Variants in IGFLR1 observed in about 807,000 individuals in gnomAD.
The protein encoded by IGFLR1 is IGF like family receptor 1.
Under a neutral mutation model 23.4 loss-of-function variants are expected in IGFLR1, and 17 were observed. The observed-to-expected ratio is 0.73, with a 90% CI of 0.50 to 1.09. IGFLR1 has a LOEUF of 1.09. Ranked by LOEUF, IGFLR1 falls within the 50% of genes least tolerant of loss-of-function variation. The pLI is 0.00. For synonymous variants in IGFLR1, 265 were observed against 210.7 expected (o/e 1.26, Z -2.23); for missense variants, 556 against 459.2 (o/e 1.21, Z -1.93).
At chr19:35,741,833 C>G (rs144845973) in intron 1 of IGFLR1, among the ~76,000 whole-genome samples, 1 of 146,186 alleles carries the variant, frequency 6.8e-6, no homozygotes, top group Non-Finnish European at 1.5e-5. Context: ...AACTGGCCGC[C>G]GGGCGCAGTG....
At chr19:35,741,801 C>A (rs1034355583) in intron 1 of IGFLR1, among the ~76,000 whole-genome samples, 1 of 144,410 alleles carries the variant, frequency 6.9e-6, no homozygotes, top group African/African-American at 2.6e-5. Flanking sequence ...CACAGCAAGA[C>A]CTCATCTCTA....
At chr19:35,740,934 C>T in intron 2 of IGFLR1, 90 bp downstream of exon 2, 1 of 1,298,610 alleles carries the variant, frequency 7.7e-7, no homozygotes, top group Non-Finnish European at 1.1e-6. Flanking sequence ...AAGCAAGCCT[C>T]TCTGGCCCGT....
In IGFLR1 at chr19:35,740,097, A is replaced by G. The variant is rs750872929; in HGVS notation, c.343-9T>C. ...TTGGCAGGGACCGGCCTCTGGGGATAAGGGGTTGGAGTAAAGCTGGAGGCC... is the reference window on the plus strand; with the variant it reads ...TTGGCAGGGACCGGCCTCTGGGGATGAGGGGTTGGAGTAAAGCTGGAGGCC... On this transcript the variant is annotated splice_polypyrimidine_tract_variant and intron_variant, in intron 3 of 4. Coordinates refer to ENST00000246532, the MANE Select transcript of IGFLR1 (RefSeq NM_024660.4). The G allele has an allele frequency of 1.6e-5, 25 of 1,605,834 alleles. No individual in the cohort carries two copies. The highest frequency in any genetic ancestry group is 1.7e-6 in the Non-Finnish European group (2 of 1,177,528).
In IGFLR1 at chr19:35,740,370, C is replaced by T. The variant is rs1194334738; in HGVS notation, c.342+10G>A. 27 of 1,562,082 alleles carry T rather than the reference C, an allele frequency of 1.7e-5. No individual in the cohort carries two copies. The highest frequency in any genetic ancestry group is 2.3e-5 in the Non-Finnish European group (27 of 1,155,036). ...GCACGCCCTTGCCCTGCCGGGAGTC[C>T]CATCTGCACCTCTCTGCAGCGCCAC... On this transcript the variant is annotated intron_variant, in intron 3 of 4. Coordinates refer to ENST00000246532, the MANE Select transcript of IGFLR1 (RefSeq NM_024660.4).
At chr19:35,742,346 A>G (rs1368690431) in intron 1 of IGFLR1, 50 bp downstream of exon 1, 1 of 1,414,370 alleles carries the variant, frequency 7.1e-7, no homozygotes, top group Non-Finnish European at 9.4e-7. Flanking sequence ...TAAGCCTCAG[A>G]TGGAGGTGCT....
Position 35,739,544 on chromosome 19 carries a change from G to A in IGFLR1, c.804C>T (p.Asp268=). ...EVLEELIVLL[D]PEPGPGGGMA... ...TACCCCCACCTGGCCCAGGCTCAGG[G>A]TCCAGCAGTACAATCAGCTCTTCCA... Residue 268 remains aspartate (D), a synonymous_variant, in exon 5 of 5, where the codon GAC becomes GAT. Coordinates refer to ENST00000246532, the MANE Select transcript of IGFLR1 (RefSeq NM_024660.4). 1 of 1,614,126 alleles carries A rather than the reference G, an allele frequency of 6.2e-7. No homozygotes were observed. Among genetic ancestry groups the A allele is most frequent in the South Asian group, 1.1e-5 (1 of 91,088 alleles).
chr19:35,741,272 G>C (rs1238896697), intron 1 of IGFLR1, 49 bp from the exon 2 acceptor site: 1 of 1,541,118 alleles, frequency 6.5e-7, no homozygotes, highest in South Asian at 1.2e-5. Flanking sequence ...GGTGATGTGG[G>C]GGAACAGAAT....
At position 35,741,312 on chromosome 19, in the gene IGFLR1, AC is replaced by A. The variant is rs1041338526; in HGVS notation, c.-43-90del. On this transcript the variant is annotated intron_variant, in intron 1 of 4. Coordinates refer to ENST00000246532, the MANE Select transcript of IGFLR1 (RefSeq NM_024660.4). ...ACGCCTCTTCGGAAGCCGGGAATCT[AC>A]CCCCGAGCCCTCATCCCCCAACTGA... 38 of 1,376,780 alleles carry A rather than the reference AC, an allele frequency of 2.8e-5. 1 individual carries two copies. In the Admixed American group the frequency reaches 5.8e-4, roughly 21 times the overall value. The allele number at this position is 1,376,780 out of a possible 1,614,324, so 85.3% of individuals were successfully genotyped here. A position where few individuals can be genotyped will look rare whatever the true frequency, so the allele number is the denominator to read the frequency against.
chr19:35,740,702 A>G lies in IGFLR1; in HGVS notation c.158-138T>C, dbSNP rs189679653. On this transcript the variant is annotated intron_variant, in intron 2 of 4. Transcript: ENST00000246532. ...TATTAGCGTGCGCCCCGGTCTTGTC[A>G]CTTTTCTCCGGGCTCGCCTTTTCAC... 125 of 835,186 alleles carry G rather than the reference A, an allele frequency of 1.5e-4. No homozygotes were observed. In the East Asian group the frequency reaches 3.5e-3, roughly 23 times the overall value. 51.7% of individuals were successfully genotyped at this position (835,186 alleles called of 1,614,324 possible).
chr19:35,739,165 G>T lies in IGFLR1; in HGVS notation c.*115C>A. 1 of 1,038,726 alleles carries T rather than the reference G, an allele frequency of 9.6e-7. No individual in the cohort carries two copies. Among genetic ancestry groups the T allele is most frequent in the Non-Finnish European group, 1.4e-6 (1 of 724,880 alleles). 64.3% of individuals were successfully genotyped at this position (1,038,726 alleles called of 1,614,324 possible). On this transcript the variant is annotated 3_prime_UTR_variant, in exon 5 of 5. Transcript: ENST00000246532. ...ATGTTGGAATAGGCCCTTCTAGGGCGAAGAGCAGTGAGGCTATCTGTTGGG... is the reference window on the plus strand; with the variant it reads ...ATGTTGGAATAGGCCCTTCTAGGGCTAAGAGCAGTGAGGCTATCTGTTGGG...
intron 2 of IGFLR1, 22 bp downstream of exon 2, chr19:35,741,002 A>G: frequency 6.2e-7 from 1 of 1,609,134 alleles, no homozygotes. Context: ...CGCCCAAGCA[A>G]GGCTCGGTCT....
chr19:35,740,984 G>C (rs1970196745), intron 2 of IGFLR1, 40 bp downstream of exon 2: 2 of 1,595,848 alleles, frequency 1.3e-6, no homozygotes. Flanking sequence ...CCTATCACCT[G>C]CAAGCTCCGC....
intron 3 of IGFLR1, 107 bp downstream of exon 3, chr19:35,740,273 C>A: frequency 7.3e-7 from 1 of 1,367,448 alleles, no homozygotes; most frequent in Non-Finnish European, 9.7e-7. Context: ...AGGCCAGCCA[C>A]CTCCTGAAAC....
rs137907108 is a variant in IGFLR1, at chr19:35,740,561, T to C, written c.161A>G (p.Tyr54Cys). The change falls in exon 3 of 5, where the codon TAT becomes TGT. Residue 54 changes from tyrosine to cysteine, a missense_variant. Physicochemically the swap from Tyr to Cys is radical, Grantham distance 194 (BLOSUM62 -2). Coordinates refer to ENST00000246532, the MANE Select transcript of IGFLR1 (RefSeq NM_024660.4). ...QRFGPPPCPDYEFRENCGLND... is the reference protein window; with the variant it reads ...QRFGPPPCPDCEFRENCGLND... ...GAGTCCGCAGTTTTCCCGGAACTCA[T>C]AGTCTAGCGGGAAAGCTGCGCTCCA... 11 of 1,603,584 alleles carry C rather than the reference T, an allele frequency of 6.9e-6. No homozygotes were observed. The highest frequency in any genetic ancestry group is 6.8e-6 in the Non-Finnish European group (8 of 1,174,738).
At chr19:35,741,372 G>A in intron 1 of IGFLR1, 149 bp from the exon 2 acceptor site, 2 of 703,130 alleles carry the variant, frequency 2.8e-6, no homozygotes, top group Non-Finnish European at 4.7e-6. Context: ...AGGCCACTAG[G>A]GGACTAACAG....
intron 2 of IGFLR1, 147 bp from the exon 3 acceptor site, chr19:35,740,711 C>T: frequency 1.3e-6 from 1 of 799,322 alleles, no homozygotes; most frequent in Non-Finnish European, 1.9e-6. Flanking sequence ...CACTTTTCTC[C>T]GGGCTCGCCT....
chr19:35,740,921 C>G, intron 2 of IGFLR1, 103 bp downstream of exon 2: 1 of 1,124,792 alleles, frequency 8.9e-7, no homozygotes, highest in Non-Finnish European at 1.3e-6. Context: ...CGCTTAGACC[C>G]CTAAGCAAGC....
Position 35,739,403 on chromosome 19 carries a change from C to A in IGFLR1, c.945G>T (p.Met315Ile), listed in dbSNP as rs923732396. 6.2e-7 allele frequency: 1 copy of A among 1,613,704 alleles called. No individual in the cohort carries two copies. Among genetic ancestry groups the A allele is most frequent in the Non-Finnish European group, 8.5e-7 (1 of 1,179,910 alleles). ...AGGCAGAGGGCTCCCTTGCCACCAC[C>A]ATCTCAATCAGAGCCCGCAGCGGCG... Reference protein sequence around the residue: ...SRSPLRALIEMVVAREPSASL... With the variant: ...SRSPLRALIEIVVAREPSASL... Residue 315 changes from methionine (M) to isoleucine (I), a missense_variant, in exon 5 of 5, where the codon ATG becomes ATT. Coordinates refer to ENST00000246532, the MANE Select transcript of IGFLR1 (RefSeq NM_024660.4).
In IGFLR1 at chr19:35,741,231, T is replaced by A. The variant is rs530944803; in HGVS notation, c.-43-8A>T. ...CCAAACACAGCGCCTCTGCTACACTTTCCGGGGAAATCGGGCAGAAGAAAG... is the reference window on the plus strand; with the variant it reads ...CCAAACACAGCGCCTCTGCTACACTATCCGGGGAAATCGGGCAGAAGAAAG... On this transcript the variant is annotated splice_polypyrimidine_tract_variant and splice_region_variant and intron_variant, in intron 1 of 4. Transcript: ENST00000246532. The A allele has an allele frequency of 1.6e-5, 25 of 1,599,102 alleles. No homozygotes were observed. In the Admixed American group the frequency reaches 2.8e-4, roughly 18 times the overall value.
Sources: allele counts gnomAD v4.1 joint callset (sites outside exome capture counted in the v4.1 genomes callset), GRCh38; gene constraint gnomAD v4.1.1; transcripts MANE v1.5; gene names NCBI Gene and HGNC (gene_info 2026-07-23, HGNC 2026-07-21).